Variants in WDR49 observed in about 807,000 individuals in gnomAD.
WDR49 encodes WD repeat domain 49, also known as cilia- and flagella-associated protein 337.
A neutral mutation model predicts 119.5 loss-of-function variants in WDR49; 107 were observed. The observed-to-expected ratio is 0.90, with a 90% CI of 0.77 to 1.05. The LOEUF is 1.05. Ranked by LOEUF, WDR49 falls within the 50% of genes least tolerant of loss-of-function variation. The pLI, the probability that WDR49 is intolerant of heterozygous loss-of-function variation, is 0.00. For synonymous variants in WDR49, 425 were observed against 418.8 expected (o/e 1.01, Z -0.18); for missense variants, 1,240 against 1,220.5 (o/e 1.02, Z -0.24).
intron 5 of WDR49, among the ~76,000 whole-genome samples, chr3:167,617,684 A>G (rs1716667373): frequency 6.6e-6 from 1 of 152,178 alleles, no homozygotes; most frequent in African/African-American, 2.4e-5. Flanking sequence ...GGGGATCTGT[A>G]ATCTTCAAAT....
rs567542575 is a variant in WDR49 at position 167,515,424 on chromosome 3, A to C, written c.2774+6891T>G. 3.9e-5 allele frequency among the ~76,000 whole-genome samples: 6 copies of C among 152,336 alleles called. No individual in the cohort carries two copies. In the South Asian group the frequency reaches 1.2e-3, roughly 32 times the overall value. On this transcript the variant is annotated intron_variant, in intron 16 of 18. Transcript: ENST00000682715. Reference sequence around the variant, plus strand: ...TCAATAGGTACAGAAAATGCCTGCTATACAATTCAACATTTCTTCATGTTA... The same window carrying C: ...TCAATAGGTACAGAAAATGCCTGCTCTACAATTCAACATTTCTTCATGTTA...
intron 3 of WDR49, among the ~76,000 whole-genome samples, chr3:167,622,811 A>T (rs1180278178): frequency 6.6e-6 from 1 of 152,162 alleles, no homozygotes; most frequent in Non-Finnish European, 1.5e-5. Flanking sequence ...TAGACCATAT[A>T]TTAGGTGATA....
chr3:167,579,741 T>C (rs1714440633), intron 7 of WDR49, among the ~76,000 whole-genome samples: 1 of 152,178 alleles, frequency 6.6e-6, no homozygotes, highest in African/African-American at 2.4e-5. Context: ...AATTCTGTTA[T>C]AAATATAAAT....
At chr3:167,624,779 T>C (rs1717050025) in intron 3 of WDR49, among the ~76,000 whole-genome samples, 1 of 152,040 alleles carries the variant, frequency 6.6e-6, no homozygotes, top group Admixed American at 6.6e-5. Context: ...ATACTGCACA[T>C]AGATATAAAA....
intron 18 of WDR49, among the ~76,000 whole-genome samples, chr3:167,493,831 A>G (rs943117748): frequency 6.6e-6 from 1 of 152,172 alleles, no homozygotes; most frequent in African/African-American, 2.4e-5. Flanking sequence ...TAGGTGTCCC[A>G]TAGGCACCTC....
chr3:167,616,035 TA>T (rs1230432599), intron 5 of WDR49, among the ~76,000 whole-genome samples: 17 of 152,340 alleles, frequency 1.1e-4, no homozygotes, highest in African/African-American at 4.1e-4. Context: ...AGTCGGATGT[TA>T]GAAGTTAAGT....
At chr3:167,621,771 A>T (rs1716882770) in intron 3 of WDR49, 128 bp from the exon 4 acceptor site, 1 of 871,310 alleles carries the variant, frequency 1.1e-6, no homozygotes, top group East Asian at 2.7e-5. Context: ...ACAGTATTAC[A>T]GAAGTTAAGA....
chr3:167,626,920 T>A lies in WDR49; in HGVS notation c.538A>T (p.Thr180Ser). ...TGTTTGAGCTTGGTGGCATCTGAAG[T>A]GATGGGGAATGTTTCTTGCAGCTTT... ...HLKLQETFPI[T>S]SDATKLKHLW... Residue 180 changes from threonine (T) to serine (S), a missense_variant, in exon 3 of 19, where the codon ACT becomes TCT. Physicochemically the swap from Thr to Ser is moderately conservative, Grantham distance 58 (BLOSUM62 1). Transcript: ENST00000682715. 1 of 1,288,984 alleles carries A rather than the reference T, an allele frequency of 7.8e-7. No individual in the cohort carries two copies. Among genetic ancestry groups the A allele is most frequent in the Non-Finnish European group, 9.8e-7 (1 of 1,019,178 alleles). The allele number at this position is 1,288,984 out of a possible 1,614,324, so 79.8% of individuals were successfully genotyped here.
intron 10 of WDR49, among the ~76,000 whole-genome samples, chr3:167,549,202 A>G (rs935339500): frequency 1.8e-4 from 28 of 152,204 alleles, no homozygotes; most frequent in Admixed American, 1.8e-3. Context: ...CACTGGGTAT[A>G]TGCCCAGTAA....
chr3:167,615,590 C>CT (rs566930666), intron 5 of WDR49, among the ~76,000 whole-genome samples: 17 of 151,576 alleles, frequency 1.1e-4, no homozygotes, highest in Admixed American at 5.3e-4. Flanking sequence ...TGCAAAATGG[C>CT]TTTTTTTTGC....
intron 16 of WDR49, among the ~76,000 whole-genome samples, chr3:167,516,189 G>A (rs1169359783): frequency 6.6e-6 from 1 of 152,024 alleles, no homozygotes; most frequent in Non-Finnish European, 1.5e-5. Flanking sequence ...ATGTTGTTGT[G>A]CTGCACCCAG....
chr3:167,537,077 G>T (rs922141319), intron 10 of WDR49, 77 bp from the exon 11 acceptor site: 1 of 1,353,292 alleles, frequency 7.4e-7, no homozygotes, highest in Non-Finnish European at 9.7e-7. Flanking sequence ...CCACTTGAAT[G>T]ATGTGATCCA....
rs10634534 is a variant in WDR49, at chr3:167,497,875, CT to C, written c.3031+2277del. The stretch of plus-strand genomic sequence containing the variant: ...AAGATAAGTACTTCCCATATTCATT[CT>C]TTTTTTTTTTTTTTTTCAACAGGCT... On this transcript the variant is annotated intron_variant, in intron 18 of 18. Coordinates refer to ENST00000682715, the MANE Select transcript of WDR49 (RefSeq NM_001366157.1). Among the ~76,000 whole-genome samples, 222 of 128,150 alleles carry C rather than the reference CT, an allele frequency of 1.7e-3. 1 individual carries two copies. Among genetic ancestry groups the C allele is most frequent in the East Asian group, 3.6e-3 (16 of 4,422 alleles). The allele number at this position is 128,150 out of a possible 152,430, so 84.1% of individuals were successfully genotyped here. A position where few individuals can be genotyped will look rare whatever the true frequency, so the allele number is the denominator to read the frequency against.
intron 14 of WDR49, 88 bp downstream of exon 14, chr3:167,528,964 G>C: frequency 1.8e-6 from 2 of 1,115,942 alleles, no homozygotes; most frequent in Non-Finnish European, 2.4e-6. Flanking sequence ...CCTTTGTTTA[G>C]GAGACAGACA....
intron 8 of WDR49, chr3:167,575,304 T>C: frequency 1.0e-6 from 1 of 986,616 alleles, no homozygotes; most frequent in Non-Finnish European, 1.2e-6. Context: ...GTCTGCGCAG[T>C]AACTCTGCTC....
chr3:167,548,283 A>C (rs1311345527), intron 10 of WDR49, among the ~76,000 whole-genome samples: 1 of 152,042 alleles, frequency 6.6e-6, no homozygotes. Flanking sequence ...TGACAGCTCA[A>C]GACTGGATTC....
At chr3:167,575,886 T>C in intron 8 of WDR49, 32 bp downstream of exon 8, 1 of 1,604,076 alleles carries the variant, frequency 6.2e-7, no homozygotes, top group Non-Finnish European at 8.5e-7. Context: ...GGAGATATGT[T>C]AGGAGAGTGA....
At chr3:167,657,696 T>C (rs1383401782), upstream of WDR49, among the ~76,000 whole-genome samples, 1 of 152,210 alleles carries the variant, frequency 6.6e-6, no homozygotes, top group Non-Finnish European at 1.5e-5. Flanking sequence ...GAAATCAGTT[T>C]TACCTTAGGA....
intron 18 of WDR49, among the ~76,000 whole-genome samples, chr3:167,480,656 CAAAG>C (rs1750682911): frequency 1.3e-5 from 2 of 152,018 alleles, no homozygotes; most frequent in African/African-American, 2.4e-5. Flanking sequence ...AAGCAAAACT[CAAAG>C]AGAGATGTAA....
Sources: allele counts gnomAD v4.1 joint callset (sites outside exome capture counted in the v4.1 genomes callset), GRCh38; gene constraint gnomAD v4.1.1; transcripts MANE v1.5; gene names NCBI Gene and HGNC (gene_info 2026-07-23, HGNC 2026-07-21).